CELF2: variants seen among roughly 807,000 people sequenced by gnomAD.
CELF2 encodes the protein CUGBP Elav-like family member 2, also known as CUG triplet repeat RNA-binding protein 2.
CELF2 carries 8 observed loss-of-function variants against 62.6 expected under a neutral mutation model. The ratio of observed to expected loss-of-function variants is 0.13; its 90% CI spans 0.07 to 0.23. The LOEUF (loss-of-function observed/expected upper bound fraction) is 0.23. CELF2 is among the 10% of genes least tolerant of loss of function. The pLI is 1.00. For missense variants in CELF2, 333 were observed against 671.0 expected, an observed-to-expected ratio of 0.50 and a Z score of 5.56; for synonymous variants, 258 against 250.0, an observed-to-expected ratio of 1.03 and a Z score of -0.30.
chr10:10,953,818 TAA>T (rs58340846), intron 2 of CELF2, among the ~76,000 whole-genome samples: 122 of 142,982 alleles, frequency 8.5e-4, no homozygotes, highest in African/African-American at 3.0e-3. Flanking sequence ...ACAAGCAAAG[TAA>T]AAAAAAAAAA....
rs1464694773 is a variant in CELF2 at position 11,030,338 on chromosome 10, CT to C, written c.74+12176del. On this transcript the variant is annotated intron_variant, in intron 1 of 12. Transcript: ENST00000633077. Reference sequence around the variant, plus strand: ...TCTCACAAATGAGGATATTGAGGTTCTAAAAGGTGGTGGTACTGAAAACTCG... The same window carrying C: ...TCTCACAAATGAGGATATTGAGGTTCAAAAGGTGGTGGTACTGAAAACTCG... 17 of 152,324 alleles carry C rather than the reference CT, an allele frequency of 1.1e-4. No homozygotes were observed. In the East Asian group the frequency reaches 3.1e-3, roughly 28 times the overall value. 9.4% of individuals were successfully genotyped at this position (152,324 alleles called of 1,614,324 possible).
At chr10:10,547,943 C>T in the CELF2 span, among the ~76,000 whole-genome samples, 8 of 152,226 alleles carry the variant, frequency 5.3e-5, no homozygotes, top group Non-Finnish European at 8.8e-5. Context: ...ACCATCATGT[C>T]ATGTGGAGAG....
intron 1 of CELF2, among the ~76,000 whole-genome samples, chr10:11,135,018 C>T (rs1270036241): frequency 6.6e-6 from 1 of 152,180 alleles, no homozygotes; most frequent in East Asian, 1.9e-4. Context: ...AGTGTTTGCA[C>T]CTTCACAAAA....
upstream of CELF2, among the ~76,000 whole-genome samples, chr10:11,015,257 G>A (rs1007408912): frequency 4.6e-5 from 7 of 152,010 alleles, no homozygotes; most frequent in Admixed American, 6.5e-5. The surrounding 1 kb of genome is among the most constrained non-coding windows in gnomAD (Gnocchi z 4.8). Context: ...GCTTTTCATC[G>A]GGTGGTATTT....
In CELF2 at chr10:10,992,048, A is replaced by T. The variant is rs183880965; in HGVS notation, c.89+72049A>T. 3.5e-3 allele frequency among the ~76,000 whole-genome samples: 532 copies of T among 152,344 alleles called. 2 individuals carry two copies. The highest frequency in any genetic ancestry group is 5.3e-3 in the Non-Finnish European group (361 of 68,028). On this transcript the variant is annotated intron_variant, in intron 2 of 13. Coordinates refer to the CELF2 transcript ENST00000636488. ...GAAATATGGAAATTCTTATCATGGT[A>T]GCTGACCTCAAGGAGCTAACACTCT... is the stretch of plus-strand genomic sequence containing the variant.
chr10:10,535,277 G>T, the CELF2 span, among the ~76,000 whole-genome samples: 15 of 152,310 alleles, frequency 9.8e-5, no homozygotes, highest in East Asian at 2.5e-3. Flanking sequence ...CTACAGCTGT[G>T]GAAGTCAGAA....
At chr10:11,167,720 G>A (rs1221142878) in intron 2 of CELF2, among the ~76,000 whole-genome samples, 1 of 152,210 alleles carries the variant, frequency 6.6e-6, no homozygotes, top group East Asian at 1.9e-4. Context: ...GCAGAAGCCC[G>A]TGGGGCTGCA....
chr10:11,054,837 C>A (rs567242578), intron 1 of CELF2, among the ~76,000 whole-genome samples: 2 of 152,284 alleles, frequency 1.3e-5, no homozygotes, highest in African/African-American at 2.4e-5. Flanking sequence ...GCCTCAGCCT[C>A]CTGAGTAGCT....
intron 2 of CELF2, among the ~76,000 whole-genome samples, chr10:10,955,069 G>A (rs559225160): frequency 2.6e-5 from 4 of 152,212 alleles, no homozygotes; most frequent in African/African-American, 9.6e-5. Context: ...ATTTTTTAAA[G>A]TATAATTTAT....
In CELF2 at chr10:11,321,517, T is replaced by C; in HGVS notation, c.1294+131T>C. On this transcript the variant is annotated intron_variant, in intron 11 of 12. Coordinates refer to ENST00000633077, the MANE Select transcript of CELF2 (RefSeq NM_001326342.2). This position sits in a 1 kb window ranked among gnomAD's most constrained non-coding sequence, Gnocchi z 6.2. ...GAAAGCAGTTGTTTTGTTATTCATG[T>C]TTAAAAAAAAAAAAAACTGAAAGCT... 1.5e-6 allele frequency: 1 copy of C among 657,698 alleles called. No individual in the cohort carries two copies. The highest frequency in any genetic ancestry group is 2.9e-5 in the East Asian group (1 of 34,098). 40.7% of individuals were successfully genotyped at this position (657,698 alleles called of 1,614,324 possible).
At position 11,316,458 on chromosome 10, in the gene CELF2, A is replaced by G. The variant is rs1009234772; in HGVS notation, c.1096+2200A>G. ...CTAAATATCAACAGAAAACCTTCCA[A>G]GATAGAGTATCTTCTTTCAGACCAT... On this transcript the variant is annotated intron_variant, in intron 10 of 12. Coordinates refer to ENST00000633077, the MANE Select transcript of CELF2 (RefSeq NM_001326342.2). The surrounding 1 kb of genome is among the most constrained non-coding windows in gnomAD (Gnocchi z 4.4). Among the ~76,000 whole-genome samples, 7 of 152,230 alleles carry G rather than the reference A, an allele frequency of 4.6e-5. No individual in the cohort carries two copies. The highest frequency in any genetic ancestry group is 1.7e-4 in the African/African-American group (7 of 41,462).
rs1564327184 is a variant in CELF2, at chr10:10,993,338, C to T, written c.89+73339C>T. Among the ~76,000 whole-genome samples, 1 of 152,076 alleles carries T rather than the reference C, an allele frequency of 6.6e-6. No individual in the cohort carries two copies. The highest frequency in any genetic ancestry group is 1.5e-5 in the Non-Finnish European group (1 of 68,008). ...CTCATTTCAAAGCCATCACAAGAGG[C>T]ATCTAATTGAAGCTACTAGAAAGAG... On this transcript the variant is annotated intron_variant, in intron 2 of 13. Coordinates refer to the CELF2 transcript ENST00000636488. This position sits in a 1 kb window ranked among gnomAD's most constrained non-coding sequence, Gnocchi z 5.3.
At chr10:11,222,398 A>G (rs58787071) in intron 3 of CELF2, among the ~76,000 whole-genome samples, 5,945 of 152,228 alleles carry the variant, frequency 0.039, 333 homozygotes, top group East Asian at 0.23. Flanking sequence ...AAACCATCCC[A>G]TTGGAATCAA....
chr10:10,694,981 G>A, the CELF2 span, among the ~76,000 whole-genome samples: 1 of 151,024 alleles, frequency 6.6e-6, no homozygotes, highest in African/African-American at 2.5e-5. Flanking sequence ...GCCAGTCTGT[G>A]TCTTTTAATT....
At chr10:11,184,673 T>A (rs2074357092) in intron 2 of CELF2, among the ~76,000 whole-genome samples, 1 of 152,238 alleles carries the variant, frequency 6.6e-6, no homozygotes, top group Non-Finnish European at 1.5e-5. Flanking sequence ...CTAACTAATT[T>A]TATTCTATTT....
At chr10:10,584,838 C>G in the CELF2 span, among the ~76,000 whole-genome samples, 1 of 152,094 alleles carries the variant, frequency 6.6e-6, no homozygotes, top group Non-Finnish European at 1.5e-5. Context: ...GTGAGACTAA[C>G]GAAATGAATT....
At chr10:10,497,401 A>G in the CELF2 span, among the ~76,000 whole-genome samples, 1 of 152,188 alleles carries the variant, frequency 6.6e-6, no homozygotes, top group Non-Finnish European at 1.5e-5. Flanking sequence ...GCCAGGCACT[A>G]GGTGCTGAAA....
chr10:11,265,356 A>T (rs114567093), intron 5 of CELF2, among the ~76,000 whole-genome samples: 1 of 152,360 alleles, frequency 6.6e-6, no homozygotes, highest in African/African-American at 2.4e-5. Context: ...GAAATCTTTT[A>T]AGTAGTAATA....
At chr10:10,654,046 A>G in the CELF2 span, among the ~76,000 whole-genome samples, 2 of 150,316 alleles carry the variant, frequency 1.3e-5, no homozygotes, top group Non-Finnish European at 3.0e-5. Flanking sequence ...ATCACCACTG[A>G]TCCCACAGAA....
Sources: gnomAD v4.1 joint callset for allele counts (sites outside exome capture counted in the v4.1 genomes callset) on GRCh38, gnomAD v4.1.1 for gene constraint, Gnocchi (gnomAD v3.1) non-coding constraint, MANE v1.5 for transcripts, NCBI Gene and HGNC (gene_info 2026-07-23, HGNC 2026-07-21) for gene names.